Variants in OAS1 observed in about 807,000 individuals in gnomAD.
OAS1 encodes the protein 2'-5'-oligoadenylate synthetase 1, also known as 2'-5'-oligoadenylate synthase 1.
OAS1 carries 24 observed loss-of-function variants against 38.5 expected under a neutral mutation model. That is an observed-to-expected ratio of 0.62 (90% CI 0.45 to 0.88). The LOEUF is 0.88. Ranked by LOEUF, OAS1 falls within the 40% of genes least tolerant of loss-of-function variation. The probability of loss-of-function intolerance (pLI) is 0.00; values close to 1 mark genes in which losing one functional copy is unlikely to be tolerated. For missense variants in OAS1, 482 were observed against 493.9 expected, an observed-to-expected ratio of 0.98 and a Z score of 0.23; for synonymous variants, 169 against 193.9, an observed-to-expected ratio of 0.87 and a Z score of 1.07.
At chr12:112,916,984 G>T in intron 4 of OAS1, 1 of 489,646 alleles carries the variant, frequency 2.0e-6, no homozygotes. Flanking sequence ...TAAGGAGCTT[G>T]TCCAACCCTT....
chr12:112,919,228 GA>G, intron 5 of OAS1, 160 bp from the exon 6 acceptor site: 1 of 672,848 alleles, frequency 1.5e-6, no homozygotes, highest in Middle Eastern at 4.1e-4. Context: ...GCTGACGGCT[GA>G]AGTCTGTCTG....
chr12:112,931,278 T>G (rs2043595327), intron 6 of OAS1, among the ~76,000 whole-genome samples: 1 of 152,142 alleles, frequency 6.6e-6, no homozygotes. Context: ...CATCACAACC[T>G]TGTGAGGTGG....
rs753637535 is a variant in OAS1, at chr12:112,911,182, C to T, written c.601C>T (p.Arg201Cys). 2.9e-5 allele frequency: 46 copies of T among 1,613,704 alleles called. No homozygotes were observed. Among genetic ancestry groups the T allele is most frequent in the East Asian group, 1.6e-4 (7 of 44,868 alleles). Residue 201 changes from arginine to cysteine, a missense_variant, in exon 3 of 6, where the codon CGC becomes TGC. By Grantham distance (180) the Arg-to-Cys change is radical. Coordinates refer to ENST00000202917, the MANE Select transcript of OAS1 (RefSeq NM_016816.4). Reference protein sequence around the residue: ...TELQRDFLKQRPTKLKSLIRL... With the variant: ...TELQRDFLKQCPTKLKSLIRL... The stretch of plus-strand genomic sequence containing the variant: ...ACTACAGAGAGACTTCCTGAAGCAG[C>T]GCCCCACCAAGCTCAAGAGCCTCAT...
At chr12:112,921,536 G>T (rs1376449799), downstream of OAS1, among the ~76,000 whole-genome samples, 1 of 152,218 alleles carries the variant, frequency 6.6e-6, no homozygotes, top group Non-Finnish European at 1.5e-5. Flanking sequence ...AAAGGGCATA[G>T]ACATTTTTGC....
At chr12:112,917,448 G>T in intron 4 of OAS1, 99 bp from the exon 5 acceptor site, 4 of 1,516,368 alleles carry the variant, frequency 2.6e-6, no homozygotes, top group Non-Finnish European at 2.7e-6. Context: ...CTGAGTCCCA[G>T]TTCATCCCAT....
chr12:112,921,943 A>C (rs1023019299), downstream of OAS1, among the ~76,000 whole-genome samples: 1 of 152,168 alleles, frequency 6.6e-6, no homozygotes, highest in African/African-American at 2.4e-5. Flanking sequence ...ATATACATTC[A>C]GGGGACAGGG....
chr12:112,928,396 C>G (rs1467772513), intron 6 of OAS1, among the ~76,000 whole-genome samples: 2 of 152,174 alleles, frequency 1.3e-5, no homozygotes, highest in Non-Finnish European at 2.9e-5. Flanking sequence ...TTACTCCTTC[C>G]AAGTGTATTG....
downstream of OAS1, among the ~76,000 whole-genome samples, chr12:112,921,074 G>A (rs1175554142): frequency 6.6e-6 from 1 of 152,194 alleles, no homozygotes. Flanking sequence ...ATGTCCAGGG[G>A]CAGGGAAAGA....
intron 6 of OAS1, among the ~76,000 whole-genome samples, chr12:112,926,666 A>G (rs4767034): frequency 0.74 from 113,148 of 152,158 alleles, 43,376 homozygotes; most frequent in African/African-American, 0.94. Flanking sequence ...AGGTCAGGGC[A>G]AAACTAGAAT....
chr12:112,917,541 C>T lies in OAS1; in HGVS notation c.885-6C>T, dbSNP rs764794553. 9.3e-6 allele frequency: 15 copies of T among 1,613,936 alleles called. No homozygotes were observed. The East Asian group carries it at 3.3e-4, about 36-fold the overall frequency. On this transcript the variant is annotated splice_region_variant and splice_polypyrimidine_tract_variant and intron_variant, in intron 4 of 5. Transcript: ENST00000202917. ...CACCTGTCCCTCTCTAAATGCTGCT[C>T]TGCAGGCCTGTGATCCTGGACCCGG...
In OAS1 at chr12:112,916,647, T is replaced by C. The variant is rs2043463143; in HGVS notation, c.793T>C (p.Tyr265His). 13 of 1,614,030 alleles carry C rather than the reference T, an allele frequency of 8.1e-6. No homozygotes were observed. Among genetic ancestry groups the C allele is most frequent in the Non-Finnish European group, 1.0e-5 (12 of 1,180,014 alleles). ...GACGGTCTTGGAATTAGTCATAAAC[T>C]ACCAGCAACTCTGCATCTACTGGAC... ...FRTVLELVIN[Y>H]QQLCIYWTKY... is the part of the protein sequence containing the mutation. Residue 265 changes from tyrosine to histidine, a missense_variant, in exon 4 of 6, where the codon TAC becomes CAC. Tyr to His is a moderately conservative substitution (Grantham distance 83). Coordinates refer to ENST00000202917, the MANE Select transcript of OAS1 (RefSeq NM_016816.4).
At chr12:112,930,113 A>C (rs1206468379) in intron 6 of OAS1, among the ~76,000 whole-genome samples, 2 of 151,998 alleles carry the variant, frequency 1.3e-5, no homozygotes, top group East Asian at 3.9e-4. Flanking sequence ...CTGGTTGTTT[A>C]AAACTGGGTG....
intron 6 of OAS1, among the ~76,000 whole-genome samples, chr12:112,929,790 A>G (rs2384073): frequency 0.74 from 113,139 of 152,066 alleles, 43,387 homozygotes; most frequent in African/African-American, 0.94. Context: ...AGGGGGAGAT[A>G]AGCAAGAAGA....
chr12:112,929,265 A>T (rs920800744), intron 6 of OAS1, among the ~76,000 whole-genome samples: 1 of 152,198 alleles, frequency 6.6e-6, no homozygotes, highest in Non-Finnish European at 1.5e-5. Context: ...TCCCAGCTAG[A>T]TGGAAAGCTT....
At chr12:112,908,281 A>G (rs2043322875) in intron 1 of OAS1, among the ~76,000 whole-genome samples, 1 of 152,142 alleles carries the variant, frequency 6.6e-6, no homozygotes, top group South Asian at 2.1e-4. Context: ...TTTGAATTGT[A>G]TTTGCCACCT....
chr12:112,925,941 T>C (rs970358997), intron 6 of OAS1, among the ~76,000 whole-genome samples: 14 of 152,190 alleles, frequency 9.2e-5, no homozygotes, highest in African/African-American at 3.4e-4. Flanking sequence ...TTATGATGAT[T>C]ATTCAAAAAT....
chr12:112,913,936 T>G (rs1391979800), intron 3 of OAS1, among the ~76,000 whole-genome samples: 1 of 152,178 alleles, frequency 6.6e-6, no homozygotes, highest in Non-Finnish European at 1.5e-5. Flanking sequence ...GGACTATTTT[T>G]TTTTATTTTT....
In OAS1 at chr12:112,908,740, C is replaced by A. The variant is rs746773073; in HGVS notation, c.385C>A (p.Pro129Thr). 1.9e-6 allele frequency: 3 copies of A among 1,614,196 alleles called. No homozygotes were observed. The highest frequency in any genetic ancestry group is 1.7e-5 in the Admixed American group (1 of 60,028). Residue 129 changes from proline to threonine, a missense_variant, in exon 2 of 6, where the codon CCC becomes ACC. Pro to Thr is a conservative substitution (Grantham distance 38). Transcript: ENST00000202917. ...GGTCCAGGCTCCACGCTGGGGCAACCCCCGTGCGCTCAGCTTCGTACTGAG... is the reference window on the plus strand; with the variant it reads ...GGTCCAGGCTCCACGCTGGGGCAACACCCGTGCGCTCAGCTTCGTACTGAG... ...FEVQAPRWGN[P>T]RALSFVLSSL...
chr12:112,919,379 A>G lies in OAS1; in HGVS notation c.1039-10A>G. On this transcript the variant is annotated splice_polypyrimidine_tract_variant and intron_variant, in intron 5 of 5. Transcript: ENST00000202917. ...ACTCCCTGATGTGATCATGTGTCTC[A>G]CCCTTTCAGGCTGAAAGCAACAGTG... 1 of 1,607,732 alleles carries G rather than the reference A, an allele frequency of 6.2e-7. No individual in the cohort carries two copies. Among genetic ancestry groups the G allele is most frequent in the Non-Finnish European group, 8.5e-7 (1 of 1,175,598 alleles).
Sources: gnomAD v4.1 joint callset for allele counts (sites outside exome capture counted in the v4.1 genomes callset) on GRCh38, gnomAD v4.1.1 for gene constraint, MANE v1.5 for transcripts, NCBI Gene and HGNC (gene_info 2026-07-23, HGNC 2026-07-21) for gene names.